FOXP4: variants seen among roughly 807,000 people sequenced by gnomAD.
The protein encoded by FOXP4 is forkhead box protein P4.
FOXP4 carries 25 observed loss-of-function variants against 82.6 expected under a neutral mutation model. That is an observed-to-expected ratio of 0.30 (90% CI 0.22 to 0.42). The LOEUF (loss-of-function observed/expected upper bound fraction) is 0.42. Ranked by LOEUF, FOXP4 falls within the 10% of genes least tolerant of loss-of-function variation. The pLI is 1.00. For missense variants in FOXP4, 785 were observed against 900.9 expected (o/e 0.87, Z 1.65); for synonymous variants, 415 against 388.2 (o/e 1.07, Z -0.81).
intron 2 of FOXP4, among the ~76,000 whole-genome samples, chr6:41,576,611 G>A (rs1403256354): frequency 6.6e-6 from 1 of 152,192 alleles, no homozygotes; most frequent in African/African-American, 2.4e-5. Context: ...GTTGGGGAGA[G>A]GCTGGAGGAG....
intron 2 of FOXP4, among the ~76,000 whole-genome samples, chr6:41,574,001 C>G (rs1240706399): frequency 6.6e-6 from 1 of 152,200 alleles, no homozygotes; most frequent in Non-Finnish European, 1.5e-5. Context: ...TCCACTCTGC[C>G]TAAGCCCCCT....
chr6:41,556,689 C>T (rs1764298286), intron 1 of FOXP4, among the ~76,000 whole-genome samples: 1 of 152,154 alleles, frequency 6.6e-6, no homozygotes, highest in Non-Finnish European at 1.5e-5. Context: ...TGCGTCATGG[C>T]TCAGCTCAGA....
chr6:41,588,938 C>T (rs534362041), intron 9 of FOXP4, among the ~76,000 whole-genome samples: 33 of 152,118 alleles, frequency 2.2e-4, no homozygotes, highest in Non-Finnish European at 3.8e-4. Flanking sequence ...AGGTTGGGGG[C>T]GTCTCTGCTG....
rs376181172 is a variant in FOXP4 at position 41,565,845 on chromosome 6, G to A, written c.85G>A (p.Gly29Ser). Reference sequence around the variant, plus strand: ...GGGCAGCCTCTCTGGGCAAGCCGATGGCAGCAGCGGCGGGGCCACAGGGAC... The same window carrying A: ...GGGCAGCCTCTCTGGGCAAGCCGATAGCAGCAGCGGCGGGGCCACAGGGAC... ...GVGSLSGQAD[G>S]SSGGATGTTA... The change falls in exon 2 of 17, where the codon GGC becomes AGC. Residue 29 changes from glycine (G) to serine (S), a missense_variant. Gly to Ser is a moderately conservative substitution (Grantham distance 56, BLOSUM62 0). Transcript: ENST00000307972. The A allele has an allele frequency of 6.2e-7, 1 of 1,614,030 alleles. No homozygotes were observed. Among genetic ancestry groups the A allele is most frequent in the Non-Finnish European group, 8.5e-7 (1 of 1,180,024 alleles).
chr6:41,575,335 C>T (rs1765418923), intron 2 of FOXP4, among the ~76,000 whole-genome samples: 1 of 152,180 alleles, frequency 6.6e-6, no homozygotes, highest in South Asian at 2.1e-4. Flanking sequence ...GCAGAGGCCA[C>T]ATTCTGTTTC....
chr6:41,588,773 A>G (rs1766319498), intron 9 of FOXP4, 42 bp downstream of exon 9: 2 of 1,604,316 alleles, frequency 1.2e-6, no homozygotes, highest in African/African-American at 2.7e-5. Context: ...GGTGGGCTCC[A>G]GCCCCTGCCC....
chr6:41,576,761 G>C lies in FOXP4; in HGVS notation c.205-1225G>C, dbSNP rs192018229. 5.3e-5 allele frequency among the ~76,000 whole-genome samples: 8 copies of C among 152,216 alleles called. No individual in the cohort carries two copies. The East Asian group carries it at 1.5e-3, about 29-fold the overall frequency. On this transcript the variant is annotated intron_variant, in intron 2 of 16. Transcript: ENST00000307972. ...GTAGTTTCCCAGTTTTGCAGATAAG[G>C]AGACTGAAGTGCAGAGAACTGGAAT... is the stretch of plus-strand genomic sequence containing the variant.
At chr6:41,579,561 G>A (rs1453476256) in intron 3 of FOXP4, among the ~76,000 whole-genome samples, 1 of 152,128 alleles carries the variant, frequency 6.6e-6, no homozygotes, top group Non-Finnish European at 1.5e-5. Context: ...GGGAGGGACT[G>A]GGGTAAGACA....
intron 13 of FOXP4, among the ~76,000 whole-genome samples, chr6:41,594,605 T>C (rs550367089): frequency 3.9e-4 from 59 of 152,184 alleles, no homozygotes; most frequent in Admixed American, 1.6e-3. Context: ...GACAGAACTT[T>C]CCAAGATGTG....
Position 41,602,028 on chromosome 6 carries a change from C to A in FOXP4, c.*3092C>A, listed in dbSNP as rs1407907492. ...GACCTCTCTCTACTCTCAGGCATGT[C>A]TTTTGTCCTTTTCGTCCATCTATTT... is the stretch of plus-strand genomic sequence containing the variant. On this transcript the variant is annotated 3_prime_UTR_variant, in exon 17 of 17. Coordinates refer to ENST00000307972, the MANE Select transcript of FOXP4 (RefSeq NM_001012426.2). 3 of 152,320 alleles carry A rather than the reference C, an allele frequency of 2.0e-5. No homozygotes were observed. Among genetic ancestry groups the A allele is most frequent in the Non-Finnish European group, 4.4e-5 (3 of 68,110 alleles). The allele number at this position is 152,320 out of a possible 1,614,324, so 9.4% of individuals were successfully genotyped here.
chr6:41,574,393 C>T (rs758652627), intron 2 of FOXP4, among the ~76,000 whole-genome samples: 1 of 152,228 alleles, frequency 6.6e-6, no homozygotes, highest in Non-Finnish European at 1.5e-5. Flanking sequence ...AATACCTGCT[C>T]CACCTAGCTC....
At chr6:41,551,258 G>A (rs866796676) in intron 1 of FOXP4, among the ~76,000 whole-genome samples, 3 of 152,230 alleles carry the variant, frequency 2.0e-5, no homozygotes, top group Non-Finnish European at 4.4e-5. Flanking sequence ...AGGGCCGCAG[G>A]TGTTGGACCG....
Position 41,587,032 on chromosome 6 carries a change from C to G in FOXP4, c.534C>G (p.Ala178=), listed in dbSNP as rs570816703. Residue 178 remains alanine (A), a synonymous_variant, in exon 6 of 17, where the codon GCC becomes GCG. Transcript: ENST00000307972. ...PKEALGNKQL[A]FQQQLLQMQQ... Reference sequence around the variant, plus strand: ...AGGCACTGGGGAACAAGCAGCTGGCCTTCCAGCAGCAGCTCCTGCAAATGC... The same window carrying G: ...AGGCACTGGGGAACAAGCAGCTGGCGTTCCAGCAGCAGCTCCTGCAAATGC... 2 of 1,598,130 alleles carry G rather than the reference C, an allele frequency of 1.3e-6. No individual in the cohort carries two copies. Among genetic ancestry groups the G allele is most frequent in the Non-Finnish European group, 1.7e-6 (2 of 1,168,760 alleles).
chr6:41,577,710 C>T (rs1007777523), intron 2 of FOXP4, among the ~76,000 whole-genome samples: 2 of 152,104 alleles, frequency 1.3e-5, no homozygotes, highest in African/African-American at 4.8e-5. Context: ...CCCTTTTTGA[C>T]CATGGGCCCT....
rs548913507 is a variant in FOXP4, at chr6:41,573,847, G to T, written c.205-4139G>T. ...AACTTGGATCCAGATCTCTCTTGAC[G>T]TCCATGCATGAATGGACAGTACACC... On this transcript the variant is annotated intron_variant, in intron 2 of 16. Coordinates refer to ENST00000307972, the MANE Select transcript of FOXP4 (RefSeq NM_001012426.2). Among the ~76,000 whole-genome samples, 20 of 152,232 alleles carry T rather than the reference G, an allele frequency of 1.3e-4. No individual in the cohort carries two copies. In the South Asian group the frequency reaches 3.9e-3, roughly 30 times the overall value.
chr6:41,590,753 T>C (rs538787085), intron 12 of FOXP4, among the ~76,000 whole-genome samples: 52 of 152,280 alleles, frequency 3.4e-4, no homozygotes, highest in African/African-American at 1.2e-3. Context: ...TCGACACATA[T>C]GTCCTCCCTG....
rs1766219360 is a variant in FOXP4, at chr6:41,587,530, G to A, written c.872+18G>A. 3 of 1,513,576 alleles carry A rather than the reference G, an allele frequency of 2.0e-6. No individual in the cohort carries two copies. Among genetic ancestry groups the A allele is most frequent in the Non-Finnish European group, 2.7e-6 (3 of 1,130,270 alleles). 93.8% of individuals were successfully genotyped at this position (1,513,576 alleles called of 1,614,324 possible). On this transcript the variant is annotated intron_variant, in intron 7 of 16. Coordinates refer to ENST00000307972, the MANE Select transcript of FOXP4 (RefSeq NM_001012426.2). ...AGAGACAGGTACAGGGGTCCAGGCT[G>A]GGAGGGGCATCAAAGGCCTGCCTGG... is the stretch of plus-strand genomic sequence containing the variant.
intron 2 of FOXP4, among the ~76,000 whole-genome samples, chr6:41,566,234 G>A (rs544883144): frequency 1.6e-4 from 24 of 152,330 alleles, no homozygotes; most frequent in African/African-American, 5.8e-4. Flanking sequence ...ATGCCAATAA[G>A]AAGAGACAGA....
Position 41,591,146 on chromosome 6 carries a change from C to T in FOXP4, c.1435-75C>T. 1.6e-6 allele frequency: 2 copies of T among 1,213,784 alleles called. No homozygotes were observed. The highest frequency in any genetic ancestry group is 2.4e-6 in the Non-Finnish European group (2 of 838,956). The allele number at this position is 1,213,784 out of a possible 1,614,324, so 75.2% of individuals were successfully genotyped here. On this transcript the variant is annotated intron_variant, in intron 12 of 16. Coordinates refer to ENST00000307972, the MANE Select transcript of FOXP4 (RefSeq NM_001012426.2). The surrounding 1 kb of genome is among the most constrained non-coding windows in gnomAD (Gnocchi z 4.2). ...CGGGGCTAGGCAGAAGGGAGAGGTA[C>T]TGGGGGAGGGAACCCAGGGCTGTGA...
Sources: gnomAD v4.1 joint callset for allele counts (sites outside exome capture counted in the v4.1 genomes callset) on GRCh38, gnomAD v4.1.1 for gene constraint, Gnocchi (gnomAD v3.1) non-coding constraint, MANE v1.5 for transcripts, NCBI Gene and HGNC (gene_info 2026-07-23, HGNC 2026-07-21) for gene names.